Variants in MYO7A observed in about 807,000 individuals in gnomAD.
The protein encoded by MYO7A is myosin VIIA.
In MYO7A, 210 loss-of-function variants were observed where a neutral mutation model predicts 263.8. The observed-to-expected ratio is 0.80, with a 90% CI of 0.71 to 0.89. The LOEUF is 0.89. MYO7A is among the 40% of genes least tolerant of loss of function. The pLI is 0.00. For missense variants in MYO7A, 2,820 were observed against 2,968.3 expected (o/e 0.95, Z 1.16); for synonymous variants, 1,239 against 1,197.3 (o/e 1.03, Z -0.72).
chr11:77,193,445 A>ATGGTGATGG (rs1410577087), intron 31 of MYO7A, among the ~76,000 whole-genome samples: 1 of 77,726 alleles, frequency 1.3e-5, no homozygotes, highest in Non-Finnish European at 2.7e-5. Flanking sequence ...AGTGATAATG[A>ATGGTGATGG]TGGTGATGGT....
intron 33 of MYO7A, among the ~76,000 whole-genome samples, chr11:77,198,030 C>A (rs566432996): frequency 6.6e-6 from 1 of 152,378 alleles, no homozygotes; most frequent in African/African-American, 2.4e-5. Flanking sequence ...TCAGACAGGG[C>A]CAGCCCTGCT....
intron 7 of MYO7A, 104 bp downstream of exon 7, chr11:77,157,108 G>T: frequency 6.7e-7 from 1 of 1,499,784 alleles, no homozygotes; most frequent in African/African-American, 1.4e-5. Context: ...TCCCCCACCT[G>T]CCCGTATTGC....
At chr11:77,174,288 C>T (rs782785572) in intron 16 of MYO7A, among the ~76,000 whole-genome samples, 9 of 152,184 alleles carry the variant, frequency 5.9e-5, no homozygotes, top group South Asian at 2.1e-4. Context: ...ATACCTGCAA[C>T]GTGAAAGGTC....
intron 36 of MYO7A, 146 bp downstream of exon 36, chr11:77,201,784 G>A: frequency 2.2e-6 from 2 of 921,364 alleles, no homozygotes; most frequent in South Asian, 1.7e-5. Context: ...TAAAGTTGGG[G>A]CAGTGCTCAA....
chr11:77,168,828 C>T (rs570186061), intron 15 of MYO7A, among the ~76,000 whole-genome samples: 3 of 152,192 alleles, frequency 2.0e-5, no homozygotes, highest in Admixed American at 6.5e-5. Context: ...GAAACTGGGG[C>T]CCAGAGAGGC....
At chr11:77,137,694 G>T (rs1189726204) in intron 2 of MYO7A, among the ~76,000 whole-genome samples, 4 of 152,192 alleles carry the variant, frequency 2.6e-5, no homozygotes, top group Non-Finnish European at 5.9e-5. Flanking sequence ...AGCCATCGAG[G>T]TGGTTCAGCT....
At chr11:77,178,905 C>A (rs1315551546) in intron 19 of MYO7A, 140 bp from the exon 20 acceptor site, 2 of 652,534 alleles carry the variant, frequency 3.1e-6, no homozygotes, top group Non-Finnish European at 5.5e-6. Context: ...AGCTGAGGCA[C>A]AGAAGTTATG....
intron 45 of MYO7A, 42 bp from the exon 46 acceptor site, chr11:77,211,779 T>C: frequency 6.6e-7 from 1 of 1,520,480 alleles, no homozygotes; most frequent in South Asian, 1.1e-5. Context: ...AGCAGGCCTG[T>C]CCCCAGGACT....
intron 3 of MYO7A, among the ~76,000 whole-genome samples, chr11:77,143,486 T>G (rs1458836248): frequency 6.6e-6 from 1 of 152,118 alleles, no homozygotes; most frequent in African/African-American, 2.4e-5. Flanking sequence ...TTCTAGGTAA[T>G]GATAGTGGGG....
At chr11:77,171,425 C>G (rs1954081109) in intron 15 of MYO7A, among the ~76,000 whole-genome samples, 1 of 152,208 alleles carries the variant, frequency 6.6e-6, no homozygotes, top group Non-Finnish European at 1.5e-5. Context: ...TACCGCATTG[C>G]AAATACTCCC....
At chr11:77,196,986 A>G (rs1377314123) in intron 32 of MYO7A, among the ~76,000 whole-genome samples, 2 of 152,120 alleles carry the variant, frequency 1.3e-5, no homozygotes, top group Non-Finnish European at 2.9e-5. Flanking sequence ...CCCTTGACAC[A>G]CTGATCTTTC....
chr11:77,182,226 G>T (rs1474447650), intron 24 of MYO7A, 72 bp downstream of exon 24: 2 of 1,569,078 alleles, frequency 1.3e-6, no homozygotes, highest in African/African-American at 2.7e-5. Flanking sequence ...GCTGCTGGTG[G>T]TGGCCGTAGG....
intron 17 of MYO7A, 139 bp from the exon 18 acceptor site, chr11:77,175,233 G>C (rs797031117): frequency 1.3e-6 from 1 of 773,270 alleles, no homozygotes; most frequent in Non-Finnish European, 2.1e-6. Context: ...GCTCAGAGAA[G>C]GCAGGACCCA....
intron 1 of MYO7A, among the ~76,000 whole-genome samples, chr11:77,129,477 C>G (rs1321024000): frequency 6.6e-6 from 1 of 152,150 alleles, no homozygotes; most frequent in Non-Finnish European, 1.5e-5. Flanking sequence ...GGCCTCATAC[C>G]AGGGTCTGTA....
intron 30 of MYO7A, among the ~76,000 whole-genome samples, chr11:77,191,621 G>T (rs1396191171): frequency 6.6e-6 from 1 of 152,228 alleles, no homozygotes; most frequent in African/African-American, 2.4e-5. Flanking sequence ...GGAGGCTGGA[G>T]CCTCCTCGGC....
Position 77,179,851 on chromosome 11 carries a change from G to A in MYO7A, c.2484G>A (p.Leu828=). Residue 828 remains leucine, a synonymous_variant, in exon 21 of 49, where the codon CTG becomes CTA. Transcript: ENST00000409709. The part of the protein sequence containing the change: ...IQFQARCRAY[L]VRKAFRHRLW... ...TCCAGGCCCGCTGCCGCGCCTATCTGGTGCGCAAGGCCTTCCGCCACCGCC... is the reference window on the plus strand; with the variant it reads ...TCCAGGCCCGCTGCCGCGCCTATCTAGTGCGCAAGGCCTTCCGCCACCGCC... 1 of 1,542,258 alleles carries A rather than the reference G, an allele frequency of 6.5e-7. No individual in the cohort carries two copies. The highest frequency in any genetic ancestry group is 8.7e-7 in the Non-Finnish European group (1 of 1,146,824).
At chr11:77,161,227 G>GGA in intron 12 of MYO7A, 112 bp downstream of exon 12, 1 of 1,349,428 alleles carries the variant, frequency 7.4e-7, no homozygotes, top group Non-Finnish European at 1.0e-6. Flanking sequence ...CACTCTGCCA[G>GGA]GCTGTTCCGT....
intron 3 of MYO7A, among the ~76,000 whole-genome samples, chr11:77,146,852 G>A (rs1951604859): frequency 6.6e-6 from 1 of 152,090 alleles, no homozygotes; most frequent in Non-Finnish European, 1.5e-5. Context: ...CAAAGGTGCT[G>A]GAGACCCTCT....
intron 18 of MYO7A, among the ~76,000 whole-genome samples, chr11:77,175,822 C>T (rs1954606858): frequency 6.6e-6 from 1 of 152,182 alleles, no homozygotes. Context: ...TGTGTGGGGT[C>T]TCTTGAGTGT....
Sources: allele counts gnomAD v4.1 joint callset (sites outside exome capture counted in the v4.1 genomes callset), GRCh38; gene constraint gnomAD v4.1.1; transcripts MANE v1.5; gene names NCBI Gene and HGNC (gene_info 2026-07-23, HGNC 2026-07-21).